PCDHA8: variants seen among roughly 807,000 people sequenced by gnomAD.
The protein encoded by PCDHA8 is protocadherin alpha-8.
In PCDHA8, 53 loss-of-function variants were observed where a neutral mutation model predicts 61.8. The ratio of observed to expected loss-of-function variants is 0.86; its 90% CI spans 0.69 to 1.08. The LOEUF is 1.08. Ranked by LOEUF, PCDHA8 falls within the 50% of genes least tolerant of loss-of-function variation. The pLI, the probability that PCDHA8 is intolerant of heterozygous loss-of-function variation, is 0.00. For synonymous variants in PCDHA8, 618 were observed against 556.6 expected (o/e 1.11, Z -1.55); for missense variants, 1,293 against 1,245.0 (o/e 1.04, Z -0.58).
intron 3 of PCDHA8, among the ~76,000 whole-genome samples, chr5:140,984,079 G>A (rs1554245959): frequency 2.0e-5 from 3 of 152,244 alleles, no homozygotes; most frequent in Admixed American, 2.0e-4. Context: ...CAACGATGGA[G>A]TGAAGAAATG....
At chr5:140,871,224 C>G (rs1554165289) in intron 1 of PCDHA8, 3 of 1,613,902 alleles carry the variant, frequency 1.9e-6, no homozygotes. Context: ...GCGTGGTGTC[C>G]AGCCTCCTGG....
At chr5:140,851,197 G>A (rs1581255686) in intron 1 of PCDHA8, 1 of 1,202,520 alleles carries the variant, frequency 8.3e-7, no homozygotes. Flanking sequence ...TTAGTTGTTA[G>A]TCATTCATTA....
rs1554262937 is a variant in PCDHA8 at position 141,010,412 on chromosome 5, G to A, written c.*475G>A. 2.5e-6 allele frequency: 3 copies of A among 1,201,296 alleles called. No homozygotes were observed. Among genetic ancestry groups the A allele is most frequent in the Non-Finnish European group, 3.4e-6 (3 of 885,080 alleles). 74.4% of individuals were successfully genotyped at this position (1,201,296 alleles called of 1,614,324 possible). On this transcript the variant is annotated 3_prime_UTR_variant, in exon 4 of 4. Coordinates refer to ENST00000531613, the MANE Select transcript of PCDHA8 (RefSeq NM_018911.3). ...GAGACGAGCCAGCTTAGACTAATTG[G>A]TACAAGGAAGGCAAGAAAACAAAGA...
intron 1 of PCDHA8, among the ~76,000 whole-genome samples, chr5:140,933,721 C>G (rs957167505): frequency 6.6e-6 from 1 of 151,982 alleles, no homozygotes; most frequent in Non-Finnish European, 1.5e-5. Flanking sequence ...ATTGGTGATA[C>G]AGCTTTCTTA....
rs1215014992 is a variant in PCDHA8, at chr5:140,859,892, AT to A, written c.2394+16178del. 2.6e-5 allele frequency: 4 copies of A among 152,144 alleles called. No individual in the cohort carries two copies. The East Asian group carries it at 7.7e-4, about 29-fold the overall frequency. The allele number at this position is 152,144 out of a possible 1,614,324, so 9.4% of individuals were successfully genotyped here. On this transcript the variant is annotated intron_variant, in intron 1 of 3. Transcript: ENST00000531613. ...TCCCCCTCTGATATTTTGAAAAAAAATCTTCCTTAATGTCTTATATTATAAG... is the reference window on the plus strand; with the variant it reads ...TCCCCCTCTGATATTTTGAAAAAAAACTTCCTTAATGTCTTATATTATAAG...
At chr5:140,993,460 TCTCACACACACACA>T (rs1441171729) in intron 3 of PCDHA8, among the ~76,000 whole-genome samples, 1 of 104,506 alleles carries the variant, frequency 9.6e-6, no homozygotes, top group Non-Finnish European at 1.9e-5. Flanking sequence ...CTTCTTTCTT[TCTCACACACACACA>T]CACACACACA....
At chr5:140,998,968 T>A (rs2097841777) in intron 3 of PCDHA8, among the ~76,000 whole-genome samples, 1 of 152,238 alleles carries the variant, frequency 6.6e-6, no homozygotes, top group Non-Finnish European at 1.5e-5. Context: ...TCAAATAGTA[T>A]CCTAGAAAAT....
chr5:140,902,488 G>T (rs1357036471), intron 1 of PCDHA8, among the ~76,000 whole-genome samples: 2 of 152,096 alleles, frequency 1.3e-5, no homozygotes, highest in African/African-American at 4.8e-5. Context: ...TGCTCAGTAT[G>T]ATACTAGCTG....
At chr5:140,945,424 A>T (rs1227744054) in intron 1 of PCDHA8, among the ~76,000 whole-genome samples, 1 of 152,116 alleles carries the variant, frequency 6.6e-6, no homozygotes, top group Non-Finnish European at 1.5e-5. Context: ...ATTTCAATGA[A>T]GTTTTTACAG....
intron 1 of PCDHA8, chr5:140,928,746 C>A (rs782813323): frequency 6.2e-7 from 1 of 1,614,130 alleles, no homozygotes. Context: ...TAGGTGAGCT[C>A]CGTACTGCTC....
chr5:140,901,229 T>C (rs1394148058), intron 1 of PCDHA8, among the ~76,000 whole-genome samples: 1 of 152,166 alleles, frequency 6.6e-6, no homozygotes, highest in African/African-American at 2.4e-5. Context: ...ATCCCATATA[T>C]CCATTTTTTT....
At chr5:140,912,200 T>C (rs191284675) in intron 1 of PCDHA8, among the ~76,000 whole-genome samples, 123 of 152,280 alleles carry the variant, frequency 8.1e-4, no homozygotes, top group African/African-American at 2.8e-3. Flanking sequence ...CCCACCCAGA[T>C]TGAGGGTAGA....
intron 1 of PCDHA8, chr5:140,853,845 T>C (rs2150303295): frequency 1.0e-6 from 1 of 986,388 alleles, no homozygotes. Context: ...TTTAGATCCA[T>C]AGCCCTATTT....
intron 2 of PCDHA8, among the ~76,000 whole-genome samples, chr5:140,981,053 A>T (rs1422870263): frequency 6.6e-6 from 1 of 152,206 alleles, no homozygotes; most frequent in Non-Finnish European, 1.5e-5. Flanking sequence ...AGATAATTCT[A>T]GAGTGTAGAC....
At chr5:140,877,346 G>GGCT (rs1217124440) in intron 1 of PCDHA8, 1 of 1,613,888 alleles carries the variant, frequency 6.2e-7, no homozygotes, top group Non-Finnish European at 8.5e-7. Flanking sequence ...TTCCACGTGG[G>GGCT]GCTGTACACT....
rs2150347081 is a variant in PCDHA8, at chr5:140,842,876, G to A, written c.1555G>A (p.Ala519Thr). 6.3e-7 allele frequency: 1 copy of A among 1,593,878 alleles called. No individual in the cohort carries two copies. The highest frequency in any genetic ancestry group is 8.6e-7 in the Non-Finnish European group (1 of 1,165,430). ...SVHTESGKVY[A>T]LQPLDHEELE... ...GCACACGGAGAGCGGCAAGGTGTAC[G>A]CGCTGCAGCCGCTGGACCACGAGGA... Residue 519 changes from alanine to threonine, a missense_variant, in exon 1 of 4, where the codon GCG (alanine) becomes ACG (threonine). Physicochemically the swap from Ala to Thr is moderately conservative, Grantham distance 58 (BLOSUM62 0). Transcript: ENST00000531613.
At chr5:140,941,197 TTCTTC>T (rs1554213863) in intron 1 of PCDHA8, among the ~76,000 whole-genome samples, 1 of 112,110 alleles carries the variant, frequency 8.9e-6, no homozygotes. Context: ...TTTTTTTTCT[TTCTTC>T]CTTTCTTTCT....
At chr5:140,948,784 T>C (rs1486580473) in intron 1 of PCDHA8, among the ~76,000 whole-genome samples, 6 of 151,646 alleles carry the variant, frequency 4.0e-5, no homozygotes, top group African/African-American at 1.4e-4. Flanking sequence ...CTTTTGGCTT[T>C]GTTGATATAT....
intron 3 of PCDHA8, among the ~76,000 whole-genome samples, chr5:140,993,460 T>TCACACACACA (rs1554253699): frequency 5.7e-5 from 6 of 104,506 alleles, no homozygotes; most frequent in African/African-American, 7.8e-5. Flanking sequence ...CTTCTTTCTT[T>TCACACACACA]CTCACACACA....
Sources: allele counts gnomAD v4.1 joint callset (sites outside exome capture counted in the v4.1 genomes callset), GRCh38; gene constraint gnomAD v4.1.1; transcripts MANE v1.5; gene names NCBI Gene and HGNC (gene_info 2026-07-23, HGNC 2026-07-21).